The following PPFIA1 variants were observed in gnomAD, a reference collection of about 807,000 sequenced individuals.
PPFIA1 encodes the protein PPFI scaffold protein A1, also known as liprin-alpha-1.
A neutral mutation model predicts 149.9 loss-of-function variants in PPFIA1; 25 were observed. The ratio of observed to expected loss-of-function variants is 0.17; its 90% CI spans 0.12 to 0.23. The LOEUF (loss-of-function observed/expected upper bound fraction) is 0.23, where lower values mean the gene tolerates loss of function less well. Among genes scored for constraint, PPFIA1 ranks in the 10% least tolerant of loss-of-function variants. PPFIA1 has a pLI of 1.00. For synonymous variants in PPFIA1, 549 were observed against 552.8 expected (o/e 0.99, Z 0.10); for missense variants, 1,362 against 1,506.5 (o/e 0.90, Z 1.59).
chr11:70,355,961 G>A, intron 18 of PPFIA1, 150 bp downstream of exon 18: 1 of 1,129,242 alleles, frequency 8.9e-7, no homozygotes, highest in Admixed American at 2.4e-5. Context: ...GAGAGCAGCA[G>A]TTTATGCTCA....
intron 2 of PPFIA1, among the ~76,000 whole-genome samples, chr11:70,312,212 G>C (rs2053330866): frequency 6.6e-6 from 1 of 151,654 alleles, no homozygotes; most frequent in Admixed American, 6.6e-5. Flanking sequence ...CTTGAGCACT[G>C]TTGCCCTGGG....
At chr11:70,311,610 G>A (rs960307261) in intron 2 of PPFIA1, among the ~76,000 whole-genome samples, 3 of 152,116 alleles carry the variant, frequency 2.0e-5, no homozygotes, top group Admixed American at 6.6e-5. Context: ...GACACCTGTC[G>A]AGCTGCTCTC....
At chr11:70,324,634 G>T in intron 3 of PPFIA1, 131 bp downstream of exon 3, 1 of 903,780 alleles carries the variant, frequency 1.1e-6, no homozygotes, top group Non-Finnish European at 1.7e-6. Flanking sequence ...CCACTGAGCA[G>T]ACTGTGATTA....
intron 2 of PPFIA1, chr11:70,321,433 A>C (rs1444134197): frequency 6.6e-6 from 1 of 152,202 alleles, no homozygotes; most frequent in African/African-American, 2.4e-5. Flanking sequence ...AAGACCTCTA[A>C]TACACATCCT....
chr11:70,362,395 C>T lies in PPFIA1; in HGVS notation c.2772C>T (p.Gly924=), dbSNP rs766281671. ...ACACAGAGATCCAGCGTGAGATTGG[C>T]ATCAGCAACCCCCTGCACAGGCTGA... ...LSDTEIQREI[G]ISNPLHRLKL... The change falls in exon 21 of 28, where the codon GGC becomes GGT. Residue 924 remains glycine, a synonymous_variant. Coordinates refer to ENST00000253925, the MANE Select transcript of PPFIA1 (RefSeq NM_003626.5). 1.2e-6 allele frequency: 2 copies of T among 1,614,206 alleles called. No homozygotes were observed. Among genetic ancestry groups the T allele is most frequent in the Non-Finnish European group, 1.7e-6 (2 of 1,180,042 alleles).
At chr11:70,348,112 A>G in intron 15 of PPFIA1, 77 bp from the exon 16 acceptor site, 1 of 1,256,972 alleles carries the variant, frequency 8.0e-7, no homozygotes, top group Non-Finnish European at 1.2e-6. Flanking sequence ...TACAGAGTAT[A>G]AGCATGGTTT....
intron 2 of PPFIA1, among the ~76,000 whole-genome samples, chr11:70,292,116 C>T (rs1018103252): frequency 6.6e-6 from 1 of 152,060 alleles, no homozygotes; most frequent in Admixed American, 6.5e-5. Flanking sequence ...GGATTACAGG[C>T]GTGAGCCACC....
chr11:70,279,013 C>A, intron 2 of PPFIA1: 1 of 538,436 alleles, frequency 1.9e-6, no homozygotes, highest in Non-Finnish European at 3.5e-6. Flanking sequence ...GAGCCCAATT[C>A]TTTATCTCCA....
intron 26 of PPFIA1, among the ~76,000 whole-genome samples, chr11:70,380,716 CAA>C (rs1233778267): frequency 7.1e-6 from 1 of 140,204 alleles, no homozygotes; most frequent in Non-Finnish European, 1.5e-5. Flanking sequence ...GCCTGGGCGA[CAA>C]GAGCAAAACT....
rs759612054 is a variant in PPFIA1 at position 70,324,857 on chromosome 11, A to G, written c.377A>G (p.Glu126Gly). ...GGCCTTTTATTTCAGCTGCTGTTAG[A>G]GCATTTGGAATGCCTTGTCTCCAGG... ...AERNNTRLLL[E>G]HLECLVSRHE... The change falls in exon 4 of 28, where the codon GAG (glutamate) becomes GGG (glycine). Residue 126 changes from glutamate to glycine, a missense_variant. This residue lies in a region of PPFIA1 where 79 missense variants were observed against 146.2 expected (regional missense o/e 0.54). Coordinates refer to ENST00000253925, the MANE Select transcript of PPFIA1 (RefSeq NM_003626.5). The G allele has an allele frequency of 1.3e-6, 2 of 1,582,420 alleles. No homozygotes were observed. Among genetic ancestry groups the G allele is most frequent in the Non-Finnish European group, 1.7e-6 (2 of 1,166,900 alleles).
chr11:70,352,771 TGTCGG>T (rs2056141134), intron 16 of PPFIA1, among the ~76,000 whole-genome samples: 1 of 41,720 alleles, frequency 2.4e-5, no homozygotes, highest in African/African-American at 1.3e-4. Flanking sequence ...CGTGTGGAGG[TGTCGG>T]AGGGCGGCGT....
intron 15 of PPFIA1, among the ~76,000 whole-genome samples, chr11:70,344,939 T>G (rs1443079444): frequency 6.6e-6 from 1 of 152,158 alleles, no homozygotes; most frequent in Non-Finnish European, 1.5e-5. Flanking sequence ...CCCGGCTCAA[T>G]CTGGCAAGGC....
At chr11:70,314,388 C>A (rs902504745) in intron 2 of PPFIA1, among the ~76,000 whole-genome samples, 4 of 152,138 alleles carry the variant, frequency 2.6e-5, no homozygotes, top group Admixed American at 2.6e-4. Context: ...GAACAAGTTA[C>A]GTGTCCATGT....
intron 25 of PPFIA1, 59 bp downstream of exon 25, chr11:70,376,659 G>A: frequency 7.5e-7 from 1 of 1,339,854 alleles, no homozygotes; most frequent in Admixed American, 1.7e-5. Context: ...GTTTAAATGT[G>A]TGTGAAATGT....
At chr11:70,293,372 C>T (rs1043151710) in intron 2 of PPFIA1, among the ~76,000 whole-genome samples, 6 of 152,204 alleles carry the variant, frequency 3.9e-5, no homozygotes, top group Admixed American at 3.3e-4. Flanking sequence ...TGTTTGGTTT[C>T]CCATCAATCA....
intron 7 of PPFIA1, chr11:70,327,058 C>T (rs1474280733): frequency 2.1e-6 from 1 of 468,494 alleles, no homozygotes; most frequent in Non-Finnish European, 3.8e-6. Context: ...GTCCCACTGA[C>T]TGACATGGCC....
intron 2 of PPFIA1, among the ~76,000 whole-genome samples, chr11:70,296,185 C>A (rs2052000455): frequency 6.6e-6 from 1 of 151,770 alleles, no homozygotes; most frequent in South Asian, 2.1e-4. Context: ...AGAGACGCTC[C>A]TCACTTTCCA....
Position 70,352,782 on chromosome 11 carries a change from G to A in PPFIA1, c.2164-1519G>A, listed in dbSNP as rs1253886852. 1.1e-4 allele frequency among the ~76,000 whole-genome samples: 16 copies of A among 142,768 alleles called. 1 individual carries two copies. Among genetic ancestry groups the A allele is most frequent in the Admixed American group, 4.2e-4 (6 of 14,294 alleles). 93.7% of individuals were successfully genotyped at this position (142,768 alleles called of 152,430 possible). ...GCGGCGTGTGGAGGTGTCGGAGGGC[G>A]GCGTGTGGAGGGGTGGGAGGGCGGC... On this transcript the variant is annotated intron_variant, in intron 16 of 27. Coordinates refer to ENST00000253925, the MANE Select transcript of PPFIA1 (RefSeq NM_003626.5).
chr11:70,305,428 A>G (rs2052783163), intron 2 of PPFIA1, among the ~76,000 whole-genome samples: 1 of 152,022 alleles, frequency 6.6e-6, no homozygotes, highest in African/African-American at 2.4e-5. Flanking sequence ...GCTGGAGTGC[A>G]ATGGCATGAT....
Sources: gnomAD v4.1 joint callset for allele counts (sites outside exome capture counted in the v4.1 genomes callset) on GRCh38, gnomAD v4.1.1 for gene constraint, gnomAD v4.1.1 regional missense constraint, MANE v1.5 for transcripts, NCBI Gene and HGNC (gene_info 2026-07-23, HGNC 2026-07-21) for gene names.